Variants in CCDC93 observed in about 807,000 individuals in gnomAD.
The protein encoded by CCDC93 is coiled-coil domain-containing protein 93.
CCDC93 carries 61 observed loss-of-function variants against 108.2 expected under a neutral mutation model. The ratio of observed to expected loss-of-function variants is 0.56; its 90% CI spans 0.46 to 0.70. The LOEUF (loss-of-function observed/expected upper bound fraction) is 0.70, where lower values mean the gene tolerates loss of function less well. Ranked by LOEUF, CCDC93 falls within the 30% of genes least tolerant of loss-of-function variation. The probability of loss-of-function intolerance (pLI) is 0.00; values close to 1 mark genes in which losing one functional copy is unlikely to be tolerated. For synonymous variants in CCDC93, 276 were observed against 260.4 expected (o/e 1.06, Z -0.58); for missense variants, 685 against 764.2 (o/e 0.90, Z 1.22).
At chr2:117,991,343 G>A (rs1680469112) in intron 6 of CCDC93, among the ~76,000 whole-genome samples, 1 of 152,164 alleles carries the variant, frequency 6.6e-6, no homozygotes, top group Admixed American at 6.5e-5. Flanking sequence ...TTGAGTCTCT[G>A]GGACCCAGAG....
chr2:118,001,016 C>T (rs532084016), intron 3 of CCDC93, 84 bp from the exon 4 acceptor site: 19 of 807,814 alleles, frequency 2.4e-5, no homozygotes, highest in African/African-American at 8.4e-5. Context: ...GCATCACAGA[C>T]GGATCTGGGA....
chr2:118,013,960 G>A lies in CCDC93; in HGVS notation c.36C>T (p.Leu12=), dbSNP rs376367997. Residue 12 remains leucine, a synonymous_variant, in exon 1 of 24, where the codon CTC becomes CTT. Transcript: ENST00000376300. The part of the protein sequence containing the change: ...GLPRGPEGQG[L]PEVETREDEE... Reference sequence around the variant, plus strand: ...AAGGAGGAGGCGTTCTTACCTCCGGGAGACCCTGGCCCTCCGGCCCCCTGG... The same window carrying A: ...AAGGAGGAGGCGTTCTTACCTCCGGAAGACCCTGGCCCTCCGGCCCCCTGG... 9 of 1,594,276 alleles carry A rather than the reference G, an allele frequency of 5.6e-6. No homozygotes were observed. Among genetic ancestry groups the A allele is most frequent in the Non-Finnish European group, 7.7e-6 (9 of 1,171,974 alleles).
At chr2:117,956,445 G>A (rs1259223436) in intron 12 of CCDC93, among the ~76,000 whole-genome samples, 6 of 152,194 alleles carry the variant, frequency 3.9e-5, no homozygotes, top group African/African-American at 1.4e-4. Flanking sequence ...ACAGAAGGTA[G>A]AAGCAAATGT....
At chr2:117,938,818 GCTGT>G (rs1288614273) in intron 20 of CCDC93, among the ~76,000 whole-genome samples, 1 of 152,070 alleles carries the variant, frequency 6.6e-6, no homozygotes, top group East Asian at 1.9e-4. Flanking sequence ...CTCTAGAATG[GCTGT>G]CTACCAGTCT....
intron 11 of CCDC93, among the ~76,000 whole-genome samples, chr2:117,968,927 T>C (rs1002404057): frequency 2.0e-5 from 3 of 152,196 alleles, no homozygotes; most frequent in African/African-American, 7.2e-5. Context: ...GGTGGCAGCA[T>C]TGCCAGTGTC....
Position 117,946,828 on chromosome 2 carries a change from G to A in CCDC93, c.1279C>T (p.Pro427Ser). ...GCCTTTACCTTTTCATCTCCACGTG[G>A]TGCTCTCTCAGCTTTCAGGTTTTCA... is the stretch of plus-strand genomic sequence containing the variant. ...EIENLKAERA[P>S]RGDEKTLSSG... The change falls in exon 16 of 24, where the codon CCA (proline) becomes TCA (serine). Residue 427 changes from proline (P) to serine (S), a missense_variant. Pro to Ser is a moderately conservative substitution (Grantham distance 74, BLOSUM62 -1). Coordinates refer to ENST00000376300, the MANE Select transcript of CCDC93 (RefSeq NM_019044.5). 6.2e-7 allele frequency: 1 copy of A among 1,612,848 alleles called. No individual in the cohort carries two copies. Among genetic ancestry groups the A allele is most frequent in the Non-Finnish European group, 8.5e-7 (1 of 1,178,806 alleles).
chr2:117,959,211 C>T (rs1445827743), intron 11 of CCDC93, among the ~76,000 whole-genome samples: 1 of 152,170 alleles, frequency 6.6e-6, no homozygotes, highest in Admixed American at 6.5e-5. Context: ...AAGTAAGCAG[C>T]TTAGTGTAGA....
chr2:117,945,621 A>T, intron 16 of CCDC93, 39 bp from the exon 17 acceptor site: 1 of 1,569,860 alleles, frequency 6.4e-7, no homozygotes, highest in Non-Finnish European at 8.8e-7. Flanking sequence ...TCTCCTGAGC[A>T]TTCGGGAATA....
intron 3 of CCDC93, 142 bp from the exon 4 acceptor site, chr2:118,001,074 G>A: frequency 1.7e-6 from 1 of 588,526 alleles, no homozygotes; most frequent in Non-Finnish European, 3.0e-6. Context: ...TCTCCTAGAT[G>A]ACTGCAAAAT....
rs1001621325 is a variant in CCDC93, at chr2:117,958,446, T to C, written c.924A>G (p.Lys308=). Residue 308 remains lysine, a synonymous_variant, in exon 12 of 24, where the codon AAA becomes AAG. Coordinates refer to ENST00000376300, the MANE Select transcript of CCDC93 (RefSeq NM_019044.5). The part of the protein sequence containing the change: ...SELSAEESPE[K]LGTSQLHRRK... ...GGCGATGTAGCTGGGAGGTTCCTAA[T>C]TTTTCTGGACTTTCTTCAGCTGATA... 2.5e-6 allele frequency: 4 copies of C among 1,613,486 alleles called. No homozygotes were observed. Among genetic ancestry groups the C allele is most frequent in the Middle Eastern group, 1.6e-4 (1 of 6,062 alleles).
At chr2:117,946,403 C>T (rs1678874165) in intron 16 of CCDC93, among the ~76,000 whole-genome samples, 1 of 152,230 alleles carries the variant, frequency 6.6e-6, no homozygotes, top group African/African-American at 2.4e-5. Context: ...ACACTGCTCT[C>T]TCCTTCTTCA....
rs565323023 is a variant in CCDC93, at chr2:117,933,193, C to T, written c.1729-2043G>A. ...ATCACCTAGATAACCAGTTTTGTTA[C>T]AAGAAGCTTGGGACATGAAATGGTA... On this transcript the variant is annotated intron_variant, in intron 22 of 23. Transcript: ENST00000376300. 2.6e-5 allele frequency among the ~76,000 whole-genome samples: 4 copies of T among 152,326 alleles called. No individual in the cohort carries two copies. The South Asian group carries it at 8.3e-4, about 32-fold the overall frequency.
At chr2:117,989,190 G>A (rs766562609) in intron 6 of CCDC93, among the ~76,000 whole-genome samples, 5 of 152,098 alleles carry the variant, frequency 3.3e-5, no homozygotes, top group South Asian at 2.1e-4. Context: ...TTCCAACCAC[G>A]GATAGGATAA....
At chr2:117,935,604 T>C (rs1678496433) in intron 21 of CCDC93, 25 bp from the exon 22 acceptor site, 1 of 1,555,292 alleles carries the variant, frequency 6.4e-7, no homozygotes. Flanking sequence ...AGTAGAGTTA[T>C]GACCGGCACA....
chr2:117,958,588 C>T (rs1037133119), intron 11 of CCDC93, 107 bp from the exon 12 acceptor site: 2 of 733,928 alleles, frequency 2.7e-6, no homozygotes, highest in Admixed American at 4.1e-5. Context: ...CAGCCAGTCA[C>T]ACCAAGCCAG....
chr2:117,923,007 CA>C (rs34776554), intron 23 of CCDC93, among the ~76,000 whole-genome samples: 188 of 132,584 alleles, frequency 1.4e-3, no homozygotes, highest in Middle Eastern at 3.9e-3. Flanking sequence ...GTAATATGTT[CA>C]AAAAAAAAAA....
chr2:117,934,642 G>A (rs960811787), intron 22 of CCDC93: 3 of 153,040 alleles, frequency 2.0e-5, no homozygotes, highest in African/African-American at 7.2e-5. Flanking sequence ...CAACTTGAAT[G>A]TTTGTCTTCT....
intron 11 of CCDC93, among the ~76,000 whole-genome samples, chr2:117,959,065 A>G (rs750559277): frequency 1.3e-5 from 2 of 152,192 alleles, no homozygotes; most frequent in Non-Finnish European, 2.9e-5. Context: ...CTGCAACTCT[A>G]TAAGGGAGGA....
chr2:117,990,273 C>T (rs767788918), intron 6 of CCDC93, among the ~76,000 whole-genome samples: 9 of 152,218 alleles, frequency 5.9e-5, no homozygotes, highest in Admixed American at 2.0e-4. Flanking sequence ...GTAGTTTCCA[C>T]TCCTTATGTC....
Sources: allele counts gnomAD v4.1 joint callset (sites outside exome capture counted in the v4.1 genomes callset), GRCh38; gene constraint gnomAD v4.1.1; transcripts MANE v1.5; gene names NCBI Gene and HGNC (gene_info 2026-07-23, HGNC 2026-07-21).